SEMA3A: variants seen among roughly 807,000 people sequenced by gnomAD.
The protein encoded by SEMA3A is semaphorin-3A.
SEMA3A carries 29 observed loss-of-function variants against 97.9 expected under a neutral mutation model. That is an observed-to-expected ratio of 0.30 (90% CI 0.22 to 0.40). The LOEUF (loss-of-function observed/expected upper bound fraction) is 0.40, where lower values mean the gene tolerates loss of function less well. Ranked by LOEUF, SEMA3A falls within the 10% of genes least tolerant of loss-of-function variation. The pLI is 1.00. For missense variants in SEMA3A, 763 were observed against 951.3 expected, an observed-to-expected ratio of 0.80 and a Z score of 2.60; for synonymous variants, 321 against 323.7, an observed-to-expected ratio of 0.99 and a Z score of 0.09.
chr7:84,133,675 T>C (rs1464504144), intron 2 of SEMA3A, among the ~76,000 whole-genome samples: 1 of 152,044 alleles, frequency 6.6e-6, no homozygotes, highest in Non-Finnish European at 1.5e-5. Context: ...GATAAAATGG[T>C]TCACTTAGAC....
intron 1 of SEMA3A, among the ~76,000 whole-genome samples, chr7:84,489,655 T>A (rs1249198766): frequency 6.6e-6 from 1 of 152,184 alleles, no homozygotes; most frequent in Non-Finnish European, 1.5e-5. Context: ...TAGGAAGCAC[T>A]GTGCCCATTT....
chr7:84,419,338 T>C (rs889943958), intron 1 of SEMA3A, among the ~76,000 whole-genome samples: 1 of 152,200 alleles, frequency 6.6e-6, no homozygotes, highest in East Asian at 1.9e-4. Context: ...AGAAGCACAA[T>C]GTAGTATATC....
intron 4 of SEMA3A, among the ~76,000 whole-genome samples, chr7:84,090,056 A>G (rs1794514513): frequency 1.3e-5 from 2 of 152,056 alleles, no homozygotes; most frequent in African/African-American, 4.8e-5. Flanking sequence ...GCTCATGAAA[A>G]TTTTAAAGAT....
intron 12 of SEMA3A, among the ~76,000 whole-genome samples, chr7:83,998,126 AT>A (rs1790293154): frequency 6.6e-6 from 1 of 151,910 alleles, no homozygotes; most frequent in Non-Finnish European, 1.5e-5. Flanking sequence ...AAAAAAAAAA[AT>A]CTAATAGATA....
intron 3 of SEMA3A, among the ~76,000 whole-genome samples, chr7:84,293,727 A>T (rs1800803677): frequency 6.6e-6 from 1 of 151,966 alleles, no homozygotes; most frequent in South Asian, 2.1e-4. Context: ...TTCAAGCAAA[A>T]TCTTAATAGG....
At chr7:84,169,625 A>G (rs1797324126) in intron 1 of SEMA3A, among the ~76,000 whole-genome samples, 1 of 151,144 alleles carries the variant, frequency 6.6e-6, no homozygotes. Flanking sequence ...TAATTTTTCC[A>G]GAAGTTTCTT....
intron 1 of SEMA3A, among the ~76,000 whole-genome samples, chr7:84,174,987 T>G (rs867075425): frequency 3.2e-4 from 48 of 152,148 alleles, no homozygotes; most frequent in African/African-American, 6.7e-4. Context: ...TTTTTTAATC[T>G]TTTTTTTCTT....
At chr7:84,050,491 G>C (rs1214812692) in intron 5 of SEMA3A, among the ~76,000 whole-genome samples, 2 of 151,900 alleles carry the variant, frequency 1.3e-5, no homozygotes, top group African/African-American at 4.8e-5. Context: ...GTGTTTTTTG[G>C]CTGCATAAAT....
chr7:84,052,452 G>A (rs1300979246), intron 5 of SEMA3A, among the ~76,000 whole-genome samples: 3 of 152,148 alleles, frequency 2.0e-5, no homozygotes, highest in East Asian at 1.9e-4. Flanking sequence ...GAGTGTATGT[G>A]TCGAGGAATT....
At chr7:84,298,408 G>C (rs1800919983) in intron 3 of SEMA3A, among the ~76,000 whole-genome samples, 1 of 152,104 alleles carries the variant, frequency 6.6e-6, no homozygotes, top group African/African-American at 2.4e-5. Context: ...TTAAGACAAG[G>C]AGGAAAGATA....
chr7:84,441,152 C>G (rs1388061680), intron 1 of SEMA3A, among the ~76,000 whole-genome samples: 1 of 151,196 alleles, frequency 6.6e-6, no homozygotes, highest in African/African-American at 2.4e-5. Flanking sequence ...GAGCAAAACT[C>G]CATCTCAATA....
At chr7:84,392,544 C>A (rs944272488) in intron 1 of SEMA3A, among the ~76,000 whole-genome samples, 3 of 152,140 alleles carry the variant, frequency 2.0e-5, no homozygotes, top group African/African-American at 7.2e-5. Context: ...GTGCAAACAT[C>A]TATTAGACAT....
intron 3 of SEMA3A, among the ~76,000 whole-genome samples, chr7:84,237,588 T>C (rs1799264814): frequency 6.6e-6 from 1 of 152,088 alleles, no homozygotes; most frequent in Admixed American, 6.6e-5. Flanking sequence ...TGTGACAAGA[T>C]AGATACTATT....
chr7:84,169,553 A>G (rs1797320371), intron 1 of SEMA3A, among the ~76,000 whole-genome samples: 1 of 149,048 alleles, frequency 6.7e-6, no homozygotes, highest in South Asian at 2.1e-4. Context: ...TATATATAAT[A>G]ATAATTATAT....
At chr7:84,127,710 T>G (rs1795843443) in intron 3 of SEMA3A, among the ~76,000 whole-genome samples, 1 of 152,286 alleles carries the variant, frequency 6.6e-6, no homozygotes, top group East Asian at 1.9e-4. Flanking sequence ...TGAGTCAGTC[T>G]TTTCCCAGGA....
At chr7:84,182,529 G>T (rs1005132441) in intron 1 of SEMA3A, among the ~76,000 whole-genome samples, 1 of 152,092 alleles carries the variant, frequency 6.6e-6, no homozygotes, top group African/African-American at 2.4e-5. Context: ...AGAAACAGGT[G>T]CTTCCTTGCT....
intron 1 of SEMA3A, among the ~76,000 whole-genome samples, chr7:84,136,037 A>G (rs1260478591): frequency 1.3e-5 from 2 of 152,178 alleles, no homozygotes; most frequent in Admixed American, 6.5e-5. Context: ...TCTTAAAAAT[A>G]TGTTTTGCTC....
intron 3 of SEMA3A, among the ~76,000 whole-genome samples, chr7:84,126,085 T>A (rs1293142729): frequency 6.6e-6 from 1 of 152,232 alleles, no homozygotes; most frequent in Non-Finnish European, 1.5e-5. Flanking sequence ...CTCTATTACA[T>A]ATACTAATAA....
At chr7:84,340,639 G>A (rs139123313) in intron 2 of SEMA3A, among the ~76,000 whole-genome samples, 39 of 151,924 alleles carry the variant, frequency 2.6e-4, no homozygotes, top group African/African-American at 8.9e-4. Flanking sequence ...AATTAGCTGG[G>A]GGTGGTGGTA....
Sources: allele counts gnomAD v4.1 joint callset (sites outside exome capture counted in the v4.1 genomes callset), GRCh38; gene constraint gnomAD v4.1.1; transcripts MANE v1.5; gene names NCBI Gene and HGNC (gene_info 2026-07-23, HGNC 2026-07-21).